Variants in FER observed in about 807,000 individuals in gnomAD.
FER encodes the protein tyrosine-protein kinase Fer.
Under a neutral mutation model 111.0 loss-of-function variants are expected in FER, and 63 were observed. That is an observed-to-expected ratio of 0.57 (90% CI 0.46 to 0.70). The LOEUF is 0.70. Among genes scored for constraint, FER ranks in the 30% least tolerant of loss-of-function variants. The pLI, the probability that FER is intolerant of heterozygous loss-of-function variation, is 0.00. For missense variants in FER, 914 were observed against 954.0 expected, an observed-to-expected ratio of 0.96 and a Z score of 0.55; for synonymous variants, 327 against 313.9, an observed-to-expected ratio of 1.04 and a Z score of -0.44.
rs370261354 is a variant in FER at position 108,897,716 on chromosome 5, G to A, written c.1104G>A (p.Gln368=). Residue 368 remains glutamine (Q), a synonymous_variant, in exon 10 of 20, where the codon CAG becomes CAA. Coordinates refer to ENST00000281092, the MANE Select transcript of FER (RefSeq NM_005246.4). ...QALEELKQSV[Q]QLRCTEAKFS... The stretch of plus-strand genomic sequence containing the variant: ...TTGAAGAACTGAAACAGTCAGTCCA[G>A]CAGCTGAGATGCACTGAAGCAAAGT... 1.9e-6 allele frequency: 3 copies of A among 1,613,200 alleles called. No individual in the cohort carries two copies. The highest frequency in any genetic ancestry group is 2.5e-6 in the Non-Finnish European group (3 of 1,179,584).
intron 16 of FER, among the ~76,000 whole-genome samples, chr5:109,086,003 TTATAA>T (rs1256380518): frequency 6.6e-6 from 1 of 151,872 alleles, no homozygotes; most frequent in Non-Finnish European, 1.5e-5. Flanking sequence ...TTTCCTTTTC[TTATAA>T]TATCCTTGTA....
intron 16 of FER, among the ~76,000 whole-genome samples, chr5:109,081,192 A>G (rs983298200): frequency 2.0e-5 from 3 of 152,116 alleles, no homozygotes; most frequent in Admixed American, 2.0e-4. Flanking sequence ...GAAGTGAGAA[A>G]AGACGATCTG....
intron 13 of FER, among the ~76,000 whole-genome samples, chr5:109,022,011 T>C (rs563899880): frequency 4.0e-4 from 61 of 152,040 alleles, no homozygotes; most frequent in Non-Finnish European, 4.4e-4. Context: ...ACAAGCAAAG[T>C]AATAATGTCC....
intron 14 of FER, among the ~76,000 whole-genome samples, chr5:109,041,566 G>C (rs1009966830): frequency 6.6e-6 from 1 of 152,150 alleles, no homozygotes; most frequent in Non-Finnish European, 1.5e-5. Flanking sequence ...AGAGTTTAAA[G>C]TATGACCCTA....
chr5:109,055,588 C>T (rs566625744), intron 16 of FER, among the ~76,000 whole-genome samples: 1 of 151,708 alleles, frequency 6.6e-6, no homozygotes, highest in East Asian at 1.9e-4. Flanking sequence ...GAGTTCAGAC[C>T]AGCCTGGGCA....
chr5:109,030,184 G>C (rs1769400786), intron 13 of FER, among the ~76,000 whole-genome samples: 1 of 151,798 alleles, frequency 6.6e-6, no homozygotes, highest in Non-Finnish European at 1.5e-5. Flanking sequence ...AATAACTTCT[G>C]TTTCTATGGC....
At chr5:108,938,271 G>T (rs771344887) in intron 10 of FER, among the ~76,000 whole-genome samples, 13 of 151,826 alleles carry the variant, frequency 8.6e-5, no homozygotes, top group Non-Finnish European at 1.6e-4. Context: ...ATTATAATAG[G>T]TAGAGAATTT....
At chr5:108,942,320 G>C (rs962190616) in intron 10 of FER, among the ~76,000 whole-genome samples, 2 of 152,048 alleles carry the variant, frequency 1.3e-5, no homozygotes, top group Non-Finnish European at 2.9e-5. Context: ...TTTACTCTAG[G>C]TTTCCTTAGC....
intron 10 of FER, among the ~76,000 whole-genome samples, chr5:108,911,113 C>T (rs1751489148): frequency 6.6e-6 from 1 of 152,024 alleles, no homozygotes. Context: ...TTCTTTTCAC[C>T]ACATCCGCAC....
At chr5:108,850,086 T>C (rs1266437652) in intron 5 of FER, among the ~76,000 whole-genome samples, 1 of 151,864 alleles carries the variant, frequency 6.6e-6, no homozygotes, top group Non-Finnish European at 1.5e-5. Context: ...TCCTAGCCAC[T>C]TGGGAGGCTG....
chr5:109,137,683 T>C (rs1282537638), intron 17 of FER, among the ~76,000 whole-genome samples: 1 of 152,118 alleles, frequency 6.6e-6, no homozygotes, highest in African/African-American at 2.4e-5. Context: ...GGTAGAAAGA[T>C]AGGCGGGTTG....
At chr5:109,002,271 G>A (rs143093286) in intron 13 of FER, among the ~76,000 whole-genome samples, 27,531 of 150,902 alleles carry the variant, frequency 0.18, 2,734 homozygotes, top group Non-Finnish European at 0.22. Context: ...GTACCAAAGC[G>A]GAGATATAGA....
intron 1 of FER, among the ~76,000 whole-genome samples, chr5:108,763,815 C>T (rs1029100687): frequency 1.3e-5 from 2 of 152,186 alleles, no homozygotes; most frequent in African/African-American, 2.4e-5. Flanking sequence ...TATCTATTTA[C>T]ATCTGAACTC....
chr5:108,882,473 T>C (rs768389857), intron 8 of FER, among the ~76,000 whole-genome samples: 47 of 151,966 alleles, frequency 3.1e-4, no homozygotes, highest in Non-Finnish European at 4.9e-4. Context: ...CATATGCTTA[T>C]TGATCATTTA....
At chr5:109,187,157 C>T (rs1038995264) in intron 19 of FER, among the ~76,000 whole-genome samples, 1 of 152,122 alleles carries the variant, frequency 6.6e-6, no homozygotes, top group Non-Finnish European at 1.5e-5. Flanking sequence ...ATACTTAGAG[C>T]AACTAAAATA....
At chr5:109,145,671 C>G (rs556825342) in intron 17 of FER, among the ~76,000 whole-genome samples, 1 of 151,972 alleles carries the variant, frequency 6.6e-6, no homozygotes, top group Non-Finnish European at 1.5e-5. Flanking sequence ...AAAAGAAGAT[C>G]TTTATTCAAG....
At chr5:108,993,206 G>T (rs1763489672) in intron 13 of FER, among the ~76,000 whole-genome samples, 1 of 152,242 alleles carries the variant, frequency 6.6e-6, no homozygotes, top group Admixed American at 6.5e-5. Flanking sequence ...GGTGGAGGTT[G>T]TGGCGAGCTG....
chr5:108,970,422 G>A (rs965414204), intron 13 of FER, among the ~76,000 whole-genome samples: 3 of 151,512 alleles, frequency 2.0e-5, no homozygotes, highest in East Asian at 1.9e-4. Flanking sequence ...GGGTTTTGCC[G>A]TGTTAGCCAG....
intron 16 of FER, among the ~76,000 whole-genome samples, chr5:109,091,601 T>C (rs1471370979): frequency 5.9e-5 from 9 of 151,982 alleles, no homozygotes; most frequent in Admixed American, 5.9e-4. Flanking sequence ...GCCACCAACA[T>C]GGAAAGCCAG....
Sources: gnomAD v4.1 joint callset for allele counts (sites outside exome capture counted in the v4.1 genomes callset) on GRCh38, gnomAD v4.1.1 for gene constraint, MANE v1.5 for transcripts, NCBI Gene and HGNC (gene_info 2026-07-23, HGNC 2026-07-21) for gene names.